The following SCHIP1 variants were observed in gnomAD, a reference collection of about 807,000 sequenced individuals.
The protein encoded by SCHIP1 is schwannomin-interacting protein 1.
In SCHIP1, 8 loss-of-function variants were observed where a neutral mutation model predicts 29.7. The observed-to-expected ratio is 0.27, with a 90% confidence interval of 0.16 to 0.49. The LOEUF is 0.49. Ranked by LOEUF, SCHIP1 falls within the 20% of genes least tolerant of loss-of-function variation. The pLI is 0.99. For missense variants in SCHIP1, 193 were observed against 294.6 expected (o/e 0.66, Z 2.52); for synonymous variants, 76 against 94.9 (o/e 0.80, Z 1.16).
the SCHIP1 span, among the ~76,000 whole-genome samples, chr3:159,318,619 TA>T: frequency 6.6e-6 from 1 of 152,204 alleles, no homozygotes; most frequent in Non-Finnish European, 1.5e-5. Context: ...CAATTGATAA[TA>T]GGGAACTCCC....
chr3:159,371,308 G>A, the SCHIP1 span, among the ~76,000 whole-genome samples: 4,116 of 152,240 alleles, frequency 0.027, 77 homozygotes, highest in East Asian at 0.11. Context: ...GACTGTTGGT[G>A]TAAGCCAGCC....
chr3:159,817,871 C>T, the SCHIP1 span, among the ~76,000 whole-genome samples: 1 of 152,202 alleles, frequency 6.6e-6, no homozygotes, highest in Admixed American at 6.5e-5. Context: ...CCCAGACCCT[C>T]CCTAGGGCCC....
chr3:159,762,873 G>C, the SCHIP1 span, among the ~76,000 whole-genome samples: 1 of 152,238 alleles, frequency 6.6e-6, no homozygotes, highest in Admixed American at 6.5e-5. Context: ...GGCAGCGGAT[G>C]TGCCAAGGGC....
At chr3:159,386,721 TA>T in the SCHIP1 span, 1 of 152,148 alleles carries the variant, frequency 6.6e-6, no homozygotes, top group African/African-American at 2.4e-5. Flanking sequence ...AAAATGGGCT[TA>T]GTTAGTTCAC....
chr3:159,471,655 G>A, the SCHIP1 span, among the ~76,000 whole-genome samples: 1 of 151,632 alleles, frequency 6.6e-6, no homozygotes. Flanking sequence ...ACTGCAAAAA[G>A]AGCTATGTTT....
the SCHIP1 span, among the ~76,000 whole-genome samples, chr3:159,771,587 C>A: frequency 5.3e-5 from 8 of 151,898 alleles, no homozygotes; most frequent in African/African-American, 1.9e-4. Flanking sequence ...TCTTTGCCTA[C>A]TTTCCTATTT....
the SCHIP1 span, among the ~76,000 whole-genome samples, chr3:159,762,768 A>C: frequency 6.6e-6 from 1 of 152,206 alleles, no homozygotes; most frequent in Non-Finnish European, 1.5e-5. Context: ...ACCTTCTTCC[A>C]AAGGAGATTA....
the SCHIP1 span, among the ~76,000 whole-genome samples, chr3:159,576,867 A>G: frequency 6.6e-6 from 1 of 152,124 alleles, no homozygotes; most frequent in East Asian, 1.9e-4. Flanking sequence ...TCCACTTACT[A>G]TTTATATTTT....
At chr3:159,619,773 C>G in the SCHIP1 span, among the ~76,000 whole-genome samples, 8 of 152,092 alleles carry the variant, frequency 5.3e-5, no homozygotes, top group Non-Finnish European at 8.8e-5. Context: ...GGTTTGCTTT[C>G]TAGTTTTATT....
chr3:159,323,440 G>T, the SCHIP1 span, among the ~76,000 whole-genome samples: 1 of 151,962 alleles, frequency 6.6e-6, no homozygotes, highest in East Asian at 1.9e-4. Flanking sequence ...GAATTTGTGG[G>T]TTTTTTCTAA....
the SCHIP1 span, among the ~76,000 whole-genome samples, chr3:159,772,756 T>A: frequency 6.6e-6 from 1 of 152,220 alleles, no homozygotes; most frequent in Non-Finnish European, 1.5e-5. Context: ...TTATTTATTT[T>A]TTGAGACGGA....
the SCHIP1 span, among the ~76,000 whole-genome samples, chr3:159,357,602 G>A: frequency 6.6e-6 from 1 of 152,124 alleles, no homozygotes; most frequent in Non-Finnish European, 1.5e-5. Context: ...TCTGATAGGG[G>A]ATTTTCTGAA....
At chr3:159,516,903 G>A in the SCHIP1 span, among the ~76,000 whole-genome samples, 11 of 152,138 alleles carry the variant, frequency 7.2e-5, no homozygotes, top group Admixed American at 6.5e-4. Flanking sequence ...TCAAGGTAAG[G>A]TGTATGCACT....
the SCHIP1 span, among the ~76,000 whole-genome samples, chr3:159,611,401 C>A: frequency 1.6e-4 from 25 of 151,942 alleles, no homozygotes; most frequent in Non-Finnish European, 2.8e-4. Context: ...GAGCTGGAAA[C>A]CATCATTCTC....
the SCHIP1 span, among the ~76,000 whole-genome samples, chr3:159,412,769 C>A: frequency 2.6e-5 from 4 of 152,124 alleles, no homozygotes; most frequent in Non-Finnish European, 4.4e-5. Flanking sequence ...CCTGGCCCTG[C>A]AGGAAAGCAG....
the SCHIP1 span, among the ~76,000 whole-genome samples, chr3:159,313,127 T>A: frequency 1.3e-5 from 2 of 152,322 alleles, no homozygotes; most frequent in East Asian, 1.9e-4. Context: ...GTCCTTATTA[T>A]TTAAAGCATA....
chr3:159,664,513 A>G, the SCHIP1 span, among the ~76,000 whole-genome samples: 1 of 152,086 alleles, frequency 6.6e-6, no homozygotes, highest in Non-Finnish European at 1.5e-5. Context: ...TAATAAAAAA[A>G]TGTTGTAAAA....
At chr3:159,436,902 T>C in the SCHIP1 span, among the ~76,000 whole-genome samples, 1 of 152,076 alleles carries the variant, frequency 6.6e-6, no homozygotes, top group Non-Finnish European at 1.5e-5. Context: ...CCTTTATTTG[T>C]CCTCTAGGAA....
chr3:159,692,643 C>T, the SCHIP1 span, among the ~76,000 whole-genome samples: 4 of 152,112 alleles, frequency 2.6e-5, no homozygotes, highest in South Asian at 8.3e-4. Flanking sequence ...TATCAAGGTT[C>T]TTAGCTTCCT....
Sources: allele counts gnomAD v4.1 joint callset (sites outside exome capture counted in the v4.1 genomes callset), GRCh38; gene constraint gnomAD v4.1.1; transcripts MANE v1.5; gene names NCBI Gene and HGNC (gene_info 2026-07-23, HGNC 2026-07-21).